ATP8A2: variants seen among roughly 807,000 people sequenced by gnomAD.
The protein encoded by ATP8A2 is ATPase phospholipid transporting 8A2.
A neutral mutation model predicts 165.6 loss-of-function variants in ATP8A2; 100 were observed. That is an observed-to-expected ratio of 0.60 (90% CI 0.51 to 0.71). The LOEUF (loss-of-function observed/expected upper bound fraction) is 0.71, where lower values mean the gene tolerates loss of function less well. ATP8A2 is among the 30% of genes least tolerant of loss of function. The probability of loss-of-function intolerance (pLI) is 0.00; values close to 1 mark genes in which losing one functional copy is unlikely to be tolerated. For missense variants in ATP8A2, 1,227 were observed against 1,479.5 expected, an observed-to-expected ratio of 0.83 and a Z score of 2.80; for synonymous variants, 543 against 548.8, an observed-to-expected ratio of 0.99 and a Z score of 0.15.
Position 25,758,477 on chromosome 13 carries a change from A to C in ATP8A2, c.2385-10569A>C, listed in dbSNP as rs867986476. Among the ~76,000 whole-genome samples, 3 of 152,248 alleles carry C rather than the reference A, an allele frequency of 2.0e-5. 1 individual carries two copies. Among genetic ancestry groups the C allele is most frequent in the African/African-American group, 7.2e-5 (3 of 41,470 alleles). On this transcript the variant is annotated intron_variant, in intron 25 of 36. Coordinates refer to ENST00000381655, the MANE Select transcript of ATP8A2 (RefSeq NM_016529.6). ...ATCAGACTTTGTCCAAGGAAGTGCTATTATGATGGTATTAATCAATTAGAA... is the reference window on the plus strand; with the variant it reads ...ATCAGACTTTGTCCAAGGAAGTGCTCTTATGATGGTATTAATCAATTAGAA...
At chr13:25,854,408 T>C (rs936181338) in intron 30 of ATP8A2, among the ~76,000 whole-genome samples, 3 of 152,168 alleles carry the variant, frequency 2.0e-5, no homozygotes, top group Non-Finnish European at 4.4e-5. Flanking sequence ...TGATCATAGC[T>C]CACTGCAGCT....
At chr13:25,818,073 A>T (rs1951075034) in intron 27 of ATP8A2, among the ~76,000 whole-genome samples, 1 of 152,150 alleles carries the variant, frequency 6.6e-6, no homozygotes, top group African/African-American at 2.4e-5. Flanking sequence ...AGATGAGAAG[A>T]TTACTTCTGA....
At chr13:25,609,761 T>C (rs555777061) in intron 24 of ATP8A2, among the ~76,000 whole-genome samples, 16 of 150,884 alleles carry the variant, frequency 1.1e-4, no homozygotes, top group African/African-American at 3.6e-4. Flanking sequence ...AAGTGTTCTC[T>C]TCACTGCATC....
chr13:25,608,624 A>G (rs2040579049), intron 24 of ATP8A2, among the ~76,000 whole-genome samples: 1 of 152,208 alleles, frequency 6.6e-6, no homozygotes, highest in Admixed American at 6.5e-5. Flanking sequence ...CATATGCTGT[A>G]GGTGTCACCT....
At chr13:25,915,100 T>C (rs1954230172) in intron 33 of ATP8A2, among the ~76,000 whole-genome samples, 1 of 152,262 alleles carries the variant, frequency 6.6e-6, no homozygotes, top group South Asian at 2.1e-4. Flanking sequence ...TCTAAAATTA[T>C]GTTGCACTCT....
At chr13:25,962,954 C>A (rs1174290187) in intron 34 of ATP8A2, among the ~76,000 whole-genome samples, 1 of 151,924 alleles carries the variant, frequency 6.6e-6, no homozygotes, top group East Asian at 1.9e-4. Context: ...TTAAATAATT[C>A]TCATTTCTTA....
At chr13:25,718,598 G>T (rs2043305676) in intron 25 of ATP8A2, among the ~76,000 whole-genome samples, 1 of 152,090 alleles carries the variant, frequency 6.6e-6, no homozygotes, top group South Asian at 2.1e-4. Context: ...TGCAGAAGTT[G>T]GGACTGTACT....
intron 34 of ATP8A2, among the ~76,000 whole-genome samples, chr13:25,964,689 A>G (rs912515): frequency 0.58 from 87,432 of 152,032 alleles, 25,380 homozygotes; most frequent in East Asian, 0.69. Context: ...GTTCCCAGAA[A>G]GGGTGTGTAT....
intron 2 of ATP8A2, among the ~76,000 whole-genome samples, chr13:25,502,408 A>G (rs1229426862): frequency 6.6e-6 from 1 of 152,218 alleles, no homozygotes; most frequent in Admixed American, 6.5e-5. Context: ...TCAAGTATTG[A>G]AGCTTAGAAT....
intron 24 of ATP8A2, among the ~76,000 whole-genome samples, chr13:25,604,342 C>T (rs745537215): frequency 6.6e-6 from 1 of 152,066 alleles, no homozygotes; most frequent in Non-Finnish European, 1.5e-5. Flanking sequence ...CAGGAGCTGT[C>T]TGGGGCATTA....
At chr13:25,655,377 C>G (rs1159798322) in intron 24 of ATP8A2, among the ~76,000 whole-genome samples, 1 of 152,170 alleles carries the variant, frequency 6.6e-6, no homozygotes, top group African/African-American at 2.4e-5. Context: ...CCAGGCTGGT[C>G]TCGAACTCCG....
chr13:25,702,996 G>A (rs61947328), intron 25 of ATP8A2, among the ~76,000 whole-genome samples: 5,808 of 152,078 alleles, frequency 0.038, 166 homozygotes, highest in Middle Eastern at 0.099. Flanking sequence ...TTAATGTGTC[G>A]GATGGCCTCA....
At chr13:25,948,929 G>A (rs139452369) in intron 33 of ATP8A2, among the ~76,000 whole-genome samples, 40 of 152,324 alleles carry the variant, frequency 2.6e-4, no homozygotes, top group Non-Finnish European at 4.4e-4. Flanking sequence ...TCAAGACTGT[G>A]CAGCCCCTCC....
chr13:25,413,184 T>C (rs1437107075), intron 1 of ATP8A2, among the ~76,000 whole-genome samples: 2 of 152,124 alleles, frequency 1.3e-5, no homozygotes, highest in African/African-American at 4.8e-5. Context: ...GATTTTTTGG[T>C]GCAGTACTGC....
intron 33 of ATP8A2, among the ~76,000 whole-genome samples, chr13:25,891,833 C>G (rs1056607322): frequency 2.6e-5 from 4 of 152,002 alleles, no homozygotes; most frequent in African/African-American, 9.7e-5. Context: ...ACAAGATTTT[C>G]TTTTGTCTGA....
intron 1 of ATP8A2, among the ~76,000 whole-genome samples, chr13:25,430,711 C>A (rs1308120280): frequency 1.3e-4 from 20 of 152,152 alleles, no homozygotes; most frequent in Admixed American, 1.3e-3. Context: ...GATTCTCCTA[C>A]CTCAGCCTCC....
At chr13:25,830,595 C>T (rs1024018822) in intron 28 of ATP8A2, among the ~76,000 whole-genome samples, 47 of 151,806 alleles carry the variant, frequency 3.1e-4, no homozygotes, top group African/African-American at 1.1e-3. Context: ...GGAGATTTGC[C>T]CCCATGAAAA....
At chr13:25,429,368 T>C (rs1231985637) in intron 1 of ATP8A2, among the ~76,000 whole-genome samples, 3 of 84,800 alleles carry the variant, frequency 3.5e-5, no homozygotes, top group South Asian at 9.9e-4. Flanking sequence ...TGTGACTCCA[T>C]CTTAAAAAAA....
intron 6 of ATP8A2, among the ~76,000 whole-genome samples, chr13:25,535,562 C>T (rs1177562591): frequency 5.3e-5 from 8 of 152,148 alleles, no homozygotes; most frequent in Admixed American, 5.2e-4. Flanking sequence ...ACCTGCAATC[C>T]CAGCACTTTG....
Sources: allele counts gnomAD v4.1 joint callset (sites outside exome capture counted in the v4.1 genomes callset), GRCh38; gene constraint gnomAD v4.1.1; transcripts MANE v1.5; gene names NCBI Gene and HGNC (gene_info 2026-07-23, HGNC 2026-07-21).